The following CAMK4 variants were observed in gnomAD, a reference collection of about 807,000 sequenced individuals.
CAMK4 encodes the protein calcium/calmodulin dependent protein kinase IV, also known as calcium/calmodulin-dependent protein kinase type IV.
CAMK4 carries 22 observed loss-of-function variants against 44.9 expected under a neutral mutation model. The ratio of observed to expected loss-of-function variants is 0.49; its 90% confidence interval spans 0.35 to 0.70. The LOEUF (loss-of-function observed/expected upper bound fraction) is 0.70. Among genes scored for constraint, CAMK4 ranks in the 30% least tolerant of loss-of-function variants. CAMK4 has a pLI of 0.01. For synonymous variants in CAMK4, 218 were observed against 215.4 expected (o/e 1.01, Z -0.11); for missense variants, 498 against 586.8 (o/e 0.85, Z 1.56).
chr5:111,403,121 C>T (rs1752291079), intron 5 of CAMK4, among the ~76,000 whole-genome samples: 2 of 152,164 alleles, frequency 1.3e-5, no homozygotes, highest in South Asian at 4.1e-4. Context: ...ATTCTGGTCC[C>T]ACAAATTTCT....
chr5:111,471,177 C>T (rs1012733202), intron 7 of CAMK4, among the ~76,000 whole-genome samples: 4 of 152,172 alleles, frequency 2.6e-5, no homozygotes, highest in Admixed American at 6.5e-5. Flanking sequence ...TTGTCTGCAT[C>T]GATCTGGATG....
At chr5:111,234,329 C>T (rs1392788195) in intron 1 of CAMK4, among the ~76,000 whole-genome samples, 1 of 152,044 alleles carries the variant, frequency 6.6e-6, no homozygotes, top group Non-Finnish European at 1.5e-5. Context: ...ACTTGATGAA[C>T]GGTTTTGATA....
At position 111,272,860 on chromosome 5, in the gene CAMK4, C is replaced by A. The variant is rs369170645; in HGVS notation, c.161+48216C>A. 3.3e-4 allele frequency among the ~76,000 whole-genome samples: 50 copies of A among 152,224 alleles called. No homozygotes were observed. The East Asian group carries it at 8.1e-3, about 25-fold the overall frequency. On this transcript the variant is annotated intron_variant, in intron 1 of 10. Coordinates refer to ENST00000282356, the MANE Select transcript of CAMK4 (RefSeq NM_001744.6). ...CAATAAGAAAATGAATTTGCTAGGACTATCGATACCCAGTCGTCAGATTAT... is the reference window on the plus strand; with the variant it reads ...CAATAAGAAAATGAATTTGCTAGGAATATCGATACCCAGTCGTCAGATTAT...
Position 111,491,272 on chromosome 5 carries a change from G to A in CAMK4, c.*6806G>A, listed in dbSNP as rs1755819983. ...TATTGTTTGTGGCTGCTTTTATGTTGTCAAGGCAGAGTTGAGTACTTTCAA... is the reference window on the plus strand; with the variant it reads ...TATTGTTTGTGGCTGCTTTTATGTTATCAAGGCAGAGTTGAGTACTTTCAA... On this transcript the variant is annotated 3_prime_UTR_variant, in exon 11 of 11. Coordinates refer to ENST00000282356, the MANE Select transcript of CAMK4 (RefSeq NM_001744.6). 2 of 152,102 alleles carry A rather than the reference G, an allele frequency of 1.3e-5. No homozygotes were observed. The highest frequency in any genetic ancestry group is 2.9e-5 in the Non-Finnish European group (2 of 68,028). 9.4% of individuals were successfully genotyped at this position (152,102 alleles called of 1,614,324 possible).
At chr5:111,461,548 C>T (rs570028509) in intron 7 of CAMK4, among the ~76,000 whole-genome samples, 12 of 152,288 alleles carry the variant, frequency 7.9e-5, no homozygotes, top group African/African-American at 2.4e-4. Context: ...CAACTGTGGG[C>T]ACTGCTGCCG....
chr5:111,465,154 C>T (rs182876110), intron 7 of CAMK4, among the ~76,000 whole-genome samples: 12 of 152,084 alleles, frequency 7.9e-5, no homozygotes, highest in African/African-American at 2.9e-4. Flanking sequence ...TCTCTCTGGC[C>T]TACTAATGAT....
chr5:111,227,509 G>C (rs914517092), intron 1 of CAMK4, among the ~76,000 whole-genome samples: 1 of 152,204 alleles, frequency 6.6e-6, no homozygotes, highest in African/African-American at 2.4e-5. Context: ...ACAGTTGTCT[G>C]TTGTAAAGTA....
At chr5:111,246,810 G>A (rs1749261945) in intron 1 of CAMK4, among the ~76,000 whole-genome samples, 1 of 152,156 alleles carries the variant, frequency 6.6e-6, no homozygotes, top group Non-Finnish European at 1.5e-5. Flanking sequence ...ATGTCATTCA[G>A]GGTCTACTTT....
intron 5 of CAMK4, among the ~76,000 whole-genome samples, chr5:111,408,155 A>C (rs1752505238): frequency 6.6e-6 from 1 of 152,158 alleles, no homozygotes; most frequent in Non-Finnish European, 1.5e-5. Context: ...TCTGTGGGAA[A>C]TATCAATGTC....
chr5:111,231,218 TAAAGA>T (rs1307307135), intron 1 of CAMK4, among the ~76,000 whole-genome samples: 1 of 152,160 alleles, frequency 6.6e-6, no homozygotes, highest in African/African-American at 2.4e-5. Context: ...AAAGATCAAA[TAAAGA>T]AAAGAACAGT....
intron 5 of CAMK4, among the ~76,000 whole-genome samples, chr5:111,425,848 G>T (rs1239910007): frequency 6.6e-6 from 1 of 152,024 alleles, no homozygotes; most frequent in Non-Finnish European, 1.5e-5. Flanking sequence ...ATCACCTCAG[G>T]AATTTTATTA....
intron 1 of CAMK4, among the ~76,000 whole-genome samples, chr5:111,227,849 A>C (rs1180140628): frequency 6.6e-6 from 1 of 152,214 alleles, no homozygotes; most frequent in Non-Finnish European, 1.5e-5. Context: ...AAAAATCATG[A>C]CACACACACA....
chr5:111,224,347 C>A (rs1748053789), upstream of CAMK4: 29 of 1,231,366 alleles, frequency 2.4e-5, no homozygotes, highest in Non-Finnish European at 2.8e-5. The surrounding 1 kb of genome is among the most constrained non-coding windows in gnomAD (Gnocchi z 5.7). Flanking sequence ...GCGCGGGCGG[C>A]GGCGGTGGGC....
rs139708873 is a variant in CAMK4 at position 111,239,870 on chromosome 5, T to C, written c.161+15226T>C. On this transcript the variant is annotated intron_variant, in intron 1 of 10. Transcript: ENST00000282356. ...TTGGCAGGAGGCCTTAGTAATTCTC[T>C]GCTACTGCTTGCAGCTTCTGAGTAA... Among the ~76,000 whole-genome samples the C allele has an allele frequency of 3.5e-3, 538 of 152,368 alleles. 4 individuals are homozygous for C. Among genetic ancestry groups the C allele is most frequent in the African/African-American group, 0.012 (501 of 41,578 alleles).
intron 1 of CAMK4, among the ~76,000 whole-genome samples, chr5:111,236,857 C>G (rs565662952): frequency 6.6e-6 from 1 of 152,336 alleles, no homozygotes; most frequent in South Asian, 2.1e-4. Flanking sequence ...GCCCATCCCT[C>G]AGCCTAATGC....
intron 1 of CAMK4, among the ~76,000 whole-genome samples, chr5:111,242,852 C>T (rs1749065386): frequency 6.6e-6 from 1 of 152,106 alleles, no homozygotes; most frequent in South Asian, 2.1e-4. Flanking sequence ...CCTCTTTCTA[C>T]ACCCCTCTTC....
chr5:111,450,061 A>G (rs559656294), intron 7 of CAMK4, among the ~76,000 whole-genome samples: 8 of 152,268 alleles, frequency 5.3e-5, no homozygotes, highest in East Asian at 3.9e-4. Flanking sequence ...GCTCATGCCT[A>G]TAATCCCAGC....
At chr5:111,379,578 G>C (rs142031533) in intron 4 of CAMK4, among the ~76,000 whole-genome samples, 4 of 152,010 alleles carry the variant, frequency 2.6e-5, no homozygotes, top group African/African-American at 9.7e-5. Context: ...ATTTTATCAA[G>C]CTGAAAATAC....
chr5:111,468,791 A>G (rs924927589), intron 7 of CAMK4, among the ~76,000 whole-genome samples: 3 of 152,138 alleles, frequency 2.0e-5, no homozygotes, highest in African/African-American at 7.2e-5. Context: ...CAGCCTGACC[A>G]ACATGGTGAA....
Sources: allele counts gnomAD v4.1 joint callset (sites outside exome capture counted in the v4.1 genomes callset), GRCh38; gene constraint gnomAD v4.1.1; non-coding constraint Gnocchi (gnomAD v3.1); transcripts MANE v1.5; gene names NCBI Gene and HGNC (gene_info 2026-07-23, HGNC 2026-07-21).